COP1: variants seen among roughly 807,000 people sequenced by gnomAD.
COP1 encodes the protein E3 ubiquitin-protein ligase COP1.
Under a neutral mutation model 101.3 loss-of-function variants are expected in COP1, and 24 were observed. The observed-to-expected ratio is 0.24, with a 90% CI of 0.17 to 0.33. The LOEUF is 0.33. COP1 is among the 10% of genes least tolerant of loss of function. The pLI is 1.00. For missense variants in COP1, 663 were observed against 906.2 expected, an observed-to-expected ratio of 0.73 and a Z score of 3.45; for synonymous variants, 347 against 341.9, an observed-to-expected ratio of 1.01 and a Z score of -0.17.
intron 11 of COP1, among the ~76,000 whole-genome samples, chr1:176,073,522 C>T (rs1677382423): frequency 6.6e-6 from 1 of 152,124 alleles, no homozygotes; most frequent in African/African-American, 2.4e-5. Context: ...CTCTGGTGGA[C>T]ACTGAACACC....
chr1:176,136,546 T>G lies in COP1; in HGVS notation c.833A>C (p.Gln278Pro). ...TAGCTCCTTCTGGATCTGTTCCAGT[T>G]GCTGCAGATTAAATAGAGAGAGAAA... ...LKVARRNKRE[Q>P]LEQIQKELSV... Residue 278 changes from glutamine to proline, a missense_variant and splice_region_variant, in exon 7 of 20, where the codon CAA becomes CCA. By Grantham distance (76) the Gln-to-Pro change is moderately conservative. Around this residue, in one of 4 missense-constraint regions of COP1, gnomAD observed 212 missense variants for 240.7 expected, o/e 0.88. Transcript: ENST00000367669. The G allele has an allele frequency of 6.3e-7, 1 of 1,594,988 alleles. No individual in the cohort carries two copies. The highest frequency in any genetic ancestry group is 2.3e-5 in the East Asian group (1 of 44,134).
intron 9 of COP1, among the ~76,000 whole-genome samples, chr1:176,087,708 G>A (rs1377237856): frequency 1.3e-5 from 2 of 152,134 alleles, no homozygotes; most frequent in Non-Finnish European, 2.9e-5. Flanking sequence ...GATTCCTCAA[G>A]AATCTAGAAC....
chr1:176,024,535 C>T (rs955673955), intron 15 of COP1, among the ~76,000 whole-genome samples: 2 of 152,164 alleles, frequency 1.3e-5, no homozygotes, highest in Admixed American at 6.5e-5. Context: ...CAACACCATA[C>T]TTAATTGTGA....
chr1:175,973,839 T>C (rs762725634), intron 18 of COP1, among the ~76,000 whole-genome samples: 21 of 152,190 alleles, frequency 1.4e-4, no homozygotes, highest in Non-Finnish European at 2.9e-4. Flanking sequence ...CAAACAGAAG[T>C]GCAGGAAAGG....
At chr1:176,048,495 G>T (rs148859282) in intron 11 of COP1, among the ~76,000 whole-genome samples, 88 of 152,110 alleles carry the variant, frequency 5.8e-4, no homozygotes, top group African/African-American at 2.0e-3. Flanking sequence ...GCTGCCATGT[G>T]GATTTTAATG....
chr1:175,998,007 CCA>C (rs1660612945), intron 15 of COP1, among the ~76,000 whole-genome samples: 1 of 136,946 alleles, frequency 7.3e-6, no homozygotes, highest in Admixed American at 8.1e-5. Context: ...ACCCAAAAGT[CCA>C]TATGTAACTA....
At chr1:176,156,873 C>T (rs1693531287) in intron 5 of COP1, among the ~76,000 whole-genome samples, 1 of 152,018 alleles carries the variant, frequency 6.6e-6, no homozygotes, top group South Asian at 2.1e-4. Context: ...CACTCGTCAG[C>T]AACTGACAGC....
At chr1:176,184,477 G>A (rs947111305) in intron 2 of COP1, among the ~76,000 whole-genome samples, 156 bp downstream of exon 2, 5 of 152,080 alleles carry the variant, frequency 3.3e-5, no homozygotes, top group African/African-American at 1.2e-4. Context: ...TATGTTAACA[G>A]CCTTAAACTG....
At chr1:176,020,967 G>GCTTCTTT (rs1192601879) in intron 15 of COP1, among the ~76,000 whole-genome samples, 3 of 152,214 alleles carry the variant, frequency 2.0e-5, no homozygotes, top group Non-Finnish European at 4.4e-5. Context: ...TTAGAAATCA[G>GCTTCTTT]CTTCTTTCTT....
Position 176,070,661 on chromosome 1 carries a change from C to CA in COP1, c.1277+10490dup, listed in dbSNP as rs776062233. The stretch of plus-strand genomic sequence containing the variant: ...TGAGCAACAGAGCAAGACTCCATTT[C>CA]AAAAAAAATAAAACAAAAAAACCTC... On this transcript the variant is annotated intron_variant, in intron 11 of 19. Transcript: ENST00000367669. Among the ~76,000 whole-genome samples, 10 of 151,552 alleles carry CA rather than the reference C, an allele frequency of 6.6e-5. No homozygotes were observed. The South Asian group carries it at 1.7e-3, about 25-fold the overall frequency.
chr1:176,136,431 G>T, intron 7 of COP1, 57 bp downstream of exon 7: 2 of 1,185,700 alleles, frequency 1.7e-6, no homozygotes, highest in South Asian at 2.6e-5. Context: ...ATGGAAAGGT[G>T]ACAATTTCAT....
intron 18 of COP1, 21 bp downstream of exon 18, chr1:175,986,922 A>G: frequency 6.5e-6 from 10 of 1,544,906 alleles, no homozygotes; most frequent in Middle Eastern, 1.7e-4. Context: ...CCAAGGTGAA[A>G]AAACTGATAT....
intron 18 of COP1, among the ~76,000 whole-genome samples, chr1:175,962,740 A>G (rs527291684): frequency 6.6e-6 from 1 of 152,276 alleles, no homozygotes; most frequent in South Asian, 2.1e-4. Context: ...CTATTCCTTC[A>G]GCCATCTCTC....
chr1:175,993,842 T>C (rs938004137), intron 15 of COP1, among the ~76,000 whole-genome samples: 4 of 152,188 alleles, frequency 2.6e-5, no homozygotes, highest in African/African-American at 9.7e-5. Flanking sequence ...CCAGGAGAAC[T>C]TCCCCAATCT....
chr1:176,153,211 A>AGG (rs1692893272), intron 5 of COP1, among the ~76,000 whole-genome samples: 1 of 152,122 alleles, frequency 6.6e-6, no homozygotes, highest in African/African-American at 2.4e-5. Context: ...GATGGCAGCA[A>AGG]AGCAGGTAGG....
Position 175,985,314 on chromosome 1 carries a change from T to C in COP1, c.2133+1629A>G, listed in dbSNP as rs1488965397. 5.9e-5 allele frequency among the ~76,000 whole-genome samples: 9 copies of C among 152,336 alleles called. No individual in the cohort carries two copies. In the East Asian group the frequency reaches 1.7e-3, roughly 29 times the overall value. The stretch of plus-strand genomic sequence containing the variant: ...TCTTTTACTATGTCTGTTTATTTTT[T>C]ATTGTGCCCTAGTTATTGTAGTTAC... On this transcript the variant is annotated intron_variant, in intron 18 of 19. Transcript: ENST00000367669.
At position 176,004,358 on chromosome 1, in the gene COP1, A is replaced by G. The variant is rs375799755; in HGVS notation, c.1730-14879T>C. 6.0e-4 allele frequency among the ~76,000 whole-genome samples: 82 copies of G among 136,130 alleles called. 2 individuals carry two copies. The highest frequency in any genetic ancestry group is 2.0e-3 in the African/African-American group (75 of 38,252). The allele number at this position is 136,130 out of a possible 152,430, so 89.3% of individuals were successfully genotyped here. On this transcript the variant is annotated intron_variant, in intron 15 of 19. Coordinates refer to ENST00000367669, the MANE Select transcript of COP1 (RefSeq NM_022457.7). ...TACCCTTTATTTCCTTCTCCTGCCT[A>G]ATTGCCCTGGCCAGAACTTCCAACA...
At chr1:176,052,690 A>G (rs1003361423) in intron 11 of COP1, among the ~76,000 whole-genome samples, 15 of 152,212 alleles carry the variant, frequency 9.9e-5, no homozygotes, top group African/African-American at 3.1e-4. Flanking sequence ...CTCTTGCCAA[A>G]TAAGTACCCA....
chr1:176,041,939 C>T (rs1273812025), intron 14 of COP1, among the ~76,000 whole-genome samples: 3 of 152,138 alleles, frequency 2.0e-5, no homozygotes, highest in African/African-American at 2.4e-5. Context: ...TGGTAAAACC[C>T]TATCTCTACT....
Sources: gnomAD v4.1 joint callset for allele counts (sites outside exome capture counted in the v4.1 genomes callset) on GRCh38, gnomAD v4.1.1 for gene constraint, gnomAD v4.1.1 regional missense constraint, MANE v1.5 for transcripts, NCBI Gene and HGNC (gene_info 2026-07-23, HGNC 2026-07-21) for gene names.